Variants in ESR1 observed in about 807,000 individuals in gnomAD.
ESR1 encodes estrogen receptor 1.
In ESR1, 12 loss-of-function variants were observed where a neutral mutation model predicts 52.7. The observed-to-expected ratio is 0.23, with a 90% CI of 0.15 to 0.37. The LOEUF (loss-of-function observed/expected upper bound fraction) is 0.37. Among genes scored for constraint, ESR1 ranks in the 10% least tolerant of loss-of-function variants. ESR1 has a pLI of 1.00. For missense variants in ESR1, 584 were observed against 779.7 expected (o/e 0.75, Z 2.99); for synonymous variants, 305 against 316.8 (o/e 0.96, Z 0.39).
At chr6:152,087,345 G>A (rs1313865041) in intron 6 of ESR1, among the ~76,000 whole-genome samples, 1 of 152,120 alleles carries the variant, frequency 6.6e-6, no homozygotes, top group African/African-American at 2.4e-5. Flanking sequence ...ACATTCCTCT[G>A]TCTTTATTCC....
chr6:151,993,101 T>G (rs1250356028), intron 4 of ESR1, among the ~76,000 whole-genome samples: 1 of 152,180 alleles, frequency 6.6e-6, no homozygotes, highest in Non-Finnish European at 1.5e-5. Context: ...TAAATTGTAC[T>G]TCATGACAAT....
chr6:151,872,829 G>A (rs1791201573), intron 2 of ESR1, among the ~76,000 whole-genome samples: 1 of 152,180 alleles, frequency 6.6e-6, no homozygotes, highest in Admixed American at 6.6e-5. Flanking sequence ...TTCTCAGAGT[G>A]TAAGGCAGGA....
intron 2 of ESR1, among the ~76,000 whole-genome samples, chr6:151,728,548 G>C (rs987151842): frequency 6.6e-6 from 1 of 152,148 alleles, no homozygotes; most frequent in Non-Finnish European, 1.5e-5. Flanking sequence ...TGGCAGCTTT[G>C]TGGAGGTATA....
chr6:151,990,683 A>G (rs910738892), intron 4 of ESR1, among the ~76,000 whole-genome samples: 6 of 152,204 alleles, frequency 3.9e-5, no homozygotes, highest in African/African-American at 1.4e-4. Context: ...GTTACTGTAC[A>G]TTGTGGGAGG....
intron 2 of ESR1, among the ~76,000 whole-genome samples, chr6:151,852,644 T>G (rs1168498905): frequency 1.3e-5 from 2 of 151,400 alleles, no homozygotes; most frequent in Admixed American, 1.3e-4. Flanking sequence ...CAGGTGTTTT[T>G]TTTTTTTTTT....
At chr6:151,739,376 G>A (rs896370013) in intron 2 of ESR1, among the ~76,000 whole-genome samples, 4 of 152,102 alleles carry the variant, frequency 2.6e-5, no homozygotes, top group Non-Finnish European at 5.9e-5. Context: ...TTATATCAGG[G>A]TACAGGTTCT....
At chr6:151,693,189 A>G (rs1012163698) in intron 1 of ESR1, among the ~76,000 whole-genome samples, 1 of 152,230 alleles carries the variant, frequency 6.6e-6, no homozygotes, top group Non-Finnish European at 1.5e-5. Context: ...GAAACTCAGT[A>G]TGAGGAAGTT....
At chr6:152,010,148 T>C (rs982235382) in intron 4 of ESR1, among the ~76,000 whole-genome samples, 1 of 152,158 alleles carries the variant, frequency 6.6e-6, no homozygotes, top group Non-Finnish European at 1.5e-5. Flanking sequence ...TTGGTTTCCC[T>C]ATGTGGATCA....
At chr6:151,999,077 C>G (rs2041741267) in intron 4 of ESR1, among the ~76,000 whole-genome samples, 1 of 152,068 alleles carries the variant, frequency 6.6e-6, no homozygotes, top group African/African-American at 2.4e-5. Context: ...GCTGGCCATG[C>G]CTGTTCAGGC....
intron 6 of ESR1, among the ~76,000 whole-genome samples, chr6:152,064,615 C>G (rs760440703): frequency 2.0e-5 from 3 of 152,162 alleles, no homozygotes; most frequent in Non-Finnish European, 4.4e-5. Flanking sequence ...CTGAATGTTA[C>G]TGTTGTGTGG....
intron 3 of ESR1, among the ~76,000 whole-genome samples, chr6:151,926,547 A>T (rs1385745788): frequency 6.6e-6 from 1 of 151,954 alleles, no homozygotes; most frequent in Non-Finnish European, 1.5e-5. Flanking sequence ...TGTTTTATAG[A>T]TTTTTACATA....
At chr6:151,956,246 G>A (rs2036900588) in intron 4 of ESR1, among the ~76,000 whole-genome samples, 1 of 152,160 alleles carries the variant, frequency 6.6e-6, no homozygotes, top group African/African-American at 2.4e-5. Context: ...ATACCCAGTA[G>A]TGGGATTCCT....
At chr6:152,054,005 T>C (rs1410470982) in intron 5 of ESR1, among the ~76,000 whole-genome samples, 1 of 152,064 alleles carries the variant, frequency 6.6e-6, no homozygotes, top group Non-Finnish European at 1.5e-5. Flanking sequence ...CACAGTGAAA[T>C]ACCAGGCACT....
chr6:152,020,616 A>AATTTTTGC (rs1298932039), intron 5 of ESR1, among the ~76,000 whole-genome samples: 3 of 151,932 alleles, frequency 2.0e-5, no homozygotes, highest in Non-Finnish European at 2.9e-5. Flanking sequence ...ATGCCTGGCT[A>AATTTTTGC]ATTTTTGCAT....
At chr6:152,105,529 G>A (rs867357009), downstream of ESR1, among the ~76,000 whole-genome samples, 5 of 150,932 alleles carry the variant, frequency 3.3e-5, no homozygotes, top group East Asian at 2.0e-4. Context: ...GGGTTCAAGC[G>A]ATTCTCCTGC....
At chr6:151,675,675 C>T (rs1370348046) in intron 1 of ESR1, among the ~76,000 whole-genome samples, 2 of 152,164 alleles carry the variant, frequency 1.3e-5, no homozygotes, top group Non-Finnish European at 1.5e-5. Flanking sequence ...CACAATGCTA[C>T]CACTGTTTTG....
chr6:151,710,203 T>C (rs1249531119), intron 2 of ESR1, among the ~76,000 whole-genome samples: 1 of 152,014 alleles, frequency 6.6e-6, no homozygotes, highest in East Asian at 1.9e-4. Context: ...TATAGTCTCT[T>C]TTAACATTTG....
intron 1 of ESR1, among the ~76,000 whole-genome samples, chr6:151,834,904 T>C (rs901999512): frequency 6.6e-6 from 1 of 151,946 alleles, no homozygotes; most frequent in Admixed American, 6.6e-5. Context: ...CAGGGGGTCA[T>C]GCTGGGCCTT....
chr6:151,831,790 C>T (rs1354550515), intron 1 of ESR1, among the ~76,000 whole-genome samples: 2 of 152,176 alleles, frequency 1.3e-5, no homozygotes, highest in Non-Finnish European at 2.9e-5. Context: ...TAGTGCCTGC[C>T]ACAACCATCA....
Sources: allele counts gnomAD v4.1 joint callset (sites outside exome capture counted in the v4.1 genomes callset), GRCh38; gene constraint gnomAD v4.1.1; transcripts MANE v1.5; gene names NCBI Gene and HGNC (gene_info 2026-07-23, HGNC 2026-07-21).